Variants in IREB2 observed in about 807,000 individuals in gnomAD.
The protein encoded by IREB2 is iron-responsive element-binding protein 2.
Under a neutral mutation model 118.8 loss-of-function variants are expected in IREB2, and 39 were observed. The ratio of observed to expected loss-of-function variants is 0.33; its 90% CI spans 0.25 to 0.43. The LOEUF is 0.43. Ranked by LOEUF, IREB2 falls within the 20% of genes least tolerant of loss-of-function variation. The pLI is 1.00. For missense variants in IREB2, 900 were observed against 1,147.3 expected (o/e 0.78, Z 3.11); for synonymous variants, 372 against 392.2 (o/e 0.95, Z 0.61).
intron 10 of IREB2, chr15:78,481,566 C>T (rs12914994): frequency 0.2 from 30,441 of 148,590 alleles, 3,825 homozygotes; most frequent in East Asian, 0.32. Context: ...GGGGTTTCAC[C>T]GTGTTAGCCA....
At chr15:78,490,363 C>A (rs1259887821) in intron 16 of IREB2, 59 bp from the exon 17 acceptor site, 1 of 1,090,534 alleles carries the variant, frequency 9.2e-7, no homozygotes, top group African/African-American at 1.6e-5. Flanking sequence ...TTTCATGCGC[C>A]TCTTTTTCTG....
At chr15:78,467,394 A>G (rs1303851001) in intron 5 of IREB2, among the ~76,000 whole-genome samples, 1 of 152,178 alleles carries the variant, frequency 6.6e-6, no homozygotes, top group African/African-American at 2.4e-5. Flanking sequence ...TTTTTAAATA[A>G]GAAAAAGAGT....
At chr15:78,477,892 G>C (rs774224038) in intron 9 of IREB2, among the ~76,000 whole-genome samples, 5 of 152,086 alleles carry the variant, frequency 3.3e-5, no homozygotes, top group Admixed American at 3.3e-4. Flanking sequence ...CTGTACTCCA[G>C]CCTAGGTGAC....
In IREB2 at chr15:78,501,147, G is replaced by A. The variant is rs1383726265; in HGVS notation, c.*3004G>A. ...AAGAGAGAAGAAGAGGGTGGACTTT[G>A]GCTTTTCAGTGTTTTTTCCCCTAAA... On this transcript the variant is annotated 3_prime_UTR_variant, in exon 22 of 22. Transcript: ENST00000258886. 6.6e-6 allele frequency: 1 copy of A among 152,126 alleles called. No individual in the cohort carries two copies. Among genetic ancestry groups the A allele is most frequent in the Admixed American group, 6.6e-5 (1 of 15,254 alleles). The allele number at this position is 152,126 out of a possible 1,614,324, so 9.4% of individuals were successfully genotyped here.
In IREB2 at chr15:78,438,596, C is replaced by T. The variant is rs574559231; in HGVS notation, c.19+240C>T. The stretch of plus-strand genomic sequence containing the variant: ...GCAGGGCGGGCCACCCCACCGCTGG[C>T]CTTGACCCGCACCCCTCTCTCTCCG... On this transcript the variant is annotated intron_variant, in intron 1 of 21. Coordinates refer to ENST00000258886, the MANE Select transcript of IREB2 (RefSeq NM_004136.4). The T allele has an allele frequency of 1.1e-4, 60 of 543,174 alleles. 3 individuals are homozygous for T. In the South Asian group the frequency reaches 1.3e-3, roughly 12 times the overall value. The allele number at this position is 543,174 out of a possible 1,614,324, so 33.6% of individuals were successfully genotyped here.
chr15:78,484,093 A>G (rs1251655487), intron 11 of IREB2, among the ~76,000 whole-genome samples: 1 of 151,952 alleles, frequency 6.6e-6, no homozygotes, highest in Admixed American at 6.6e-5. Context: ...GCCTACAGTC[A>G]TAAAATTTGG....
intron 2 of IREB2, among the ~76,000 whole-genome samples, chr15:78,443,272 G>A (rs1454862666): frequency 6.6e-5 from 10 of 152,152 alleles, no homozygotes; most frequent in Admixed American, 6.5e-4. Flanking sequence ...CTGTTCTGCA[G>A]GTAACTGAAA....
At position 78,490,658 on chromosome 15, in the gene IREB2, C is replaced by T. The variant is rs2051735180; in HGVS notation, c.2221C>T (p.His741Tyr). The change falls in exon 18 of 22, where the codon CAT becomes TAT. Residue 741 changes from histidine to tyrosine, a missense_variant. By Grantham distance (83) the His-to-Tyr change is moderately conservative. Coordinates refer to ENST00000258886, the MANE Select transcript of IREB2 (RefSeq NM_004136.4). The stretch of plus-strand genomic sequence containing the variant: ...TGCACTCCAGGCTATTGAAAATGCC[C>T]ATGTCTTATTATATTTGGGAGACTC... ...PIALQAIENAHVLLYLGDSVT... is the reference protein window; with the variant it reads ...PIALQAIENAYVLLYLGDSVT... 1.9e-6 allele frequency: 3 copies of T among 1,614,062 alleles called. No individual in the cohort carries two copies. The highest frequency in any genetic ancestry group is 2.5e-6 in the Non-Finnish European group (3 of 1,179,972).
At chr15:78,464,166 A>AAT (rs1342132480) in intron 3 of IREB2, among the ~76,000 whole-genome samples, 1 of 152,212 alleles carries the variant, frequency 6.6e-6, no homozygotes, top group Non-Finnish European at 1.5e-5. Context: ...ACTTGCAATC[A>AAT]ATAGTCTGTT....
chr15:78,470,706 T>C, intron 6 of IREB2, 105 bp downstream of exon 6: 1 of 614,112 alleles, frequency 1.6e-6, no homozygotes, highest in East Asian at 3.0e-5. Flanking sequence ...TTTTTTTTTT[T>C]TTTTTTAAGA....
intron 3 of IREB2, among the ~76,000 whole-genome samples, chr15:78,464,591 G>C (rs142542419): frequency 2.6e-5 from 4 of 152,240 alleles, no homozygotes; most frequent in African/African-American, 4.8e-5. Flanking sequence ...TTGAAAACTT[G>C]ATCTTATTTT....
chr15:78,485,624 A>G, intron 12 of IREB2, 81 bp from the exon 13 acceptor site: 1 of 1,351,774 alleles, frequency 7.4e-7, no homozygotes, highest in Non-Finnish European at 1.0e-6. Context: ...TAAATAAATT[A>G]CTTCTCACTT....
At chr15:78,497,447 C>T in intron 21 of IREB2, 136 bp downstream of exon 21, 1 of 670,668 alleles carries the variant, frequency 1.5e-6, no homozygotes, top group Non-Finnish European at 2.6e-6. Context: ...ACTCTCTCTT[C>T]CATACTTAGA....
intron 2 of IREB2, among the ~76,000 whole-genome samples, chr15:78,451,243 G>T (rs774686174): frequency 6.6e-6 from 1 of 152,012 alleles, no homozygotes; most frequent in African/African-American, 2.4e-5. Flanking sequence ...TGGGATTACA[G>T]GTGTGAGCCA....
intron 2 of IREB2, among the ~76,000 whole-genome samples, chr15:78,456,025 G>A (rs1212076844): frequency 3.3e-5 from 5 of 152,092 alleles, no homozygotes; most frequent in East Asian, 1.9e-4. Flanking sequence ...GCTTTTCACC[G>A]AGTAATCTAA....
chr15:78,488,907 A>G (rs2141520363), intron 16 of IREB2, 136 bp downstream of exon 16: 1 of 548,252 alleles, frequency 1.8e-6, no homozygotes, highest in South Asian at 3.4e-5. Flanking sequence ...GTAAGTTTGT[A>G]TCTGGAATCT....
intron 2 of IREB2, 107 bp downstream of exon 2, chr15:78,439,988 C>T (rs1207896245): frequency 1.4e-6 from 1 of 711,506 alleles, no homozygotes; most frequent in African/African-American, 1.8e-5. Flanking sequence ...CGTATTGTAA[C>T]AGGTACACCT....
intron 10 of IREB2, 22 bp downstream of exon 10, chr15:78,478,419 T>A: frequency 7.3e-7 from 1 of 1,367,360 alleles, no homozygotes; most frequent in Non-Finnish European, 1.0e-6. Context: ...ATAACCCACC[T>A]CGTAGCAAAG....
chr15:78,446,406 C>G (rs1041539718), intron 2 of IREB2, among the ~76,000 whole-genome samples: 1 of 152,036 alleles, frequency 6.6e-6, no homozygotes, highest in Non-Finnish European at 1.5e-5. Flanking sequence ...GACACTAGCT[C>G]GAGTGAAGAA....
Sources: allele counts gnomAD v4.1 joint callset (sites outside exome capture counted in the v4.1 genomes callset), GRCh38; gene constraint gnomAD v4.1.1; transcripts MANE v1.5; gene names NCBI Gene and HGNC (gene_info 2026-07-23, HGNC 2026-07-21).